Variants in PCDHGA4 observed in about 807,000 individuals in gnomAD.
PCDHGA4 encodes the protein protocadherin gamma-A4.
Under a neutral mutation model 54.6 loss-of-function variants are expected in PCDHGA4, and 38 were observed. The observed-to-expected ratio is 0.70, with a 90% CI of 0.54 to 0.91. PCDHGA4 has a LOEUF of 0.91. Ranked by LOEUF, PCDHGA4 falls within the 40% of genes least tolerant of loss-of-function variation. The probability of loss-of-function intolerance (pLI) is 0.00; values close to 1 mark genes in which losing one functional copy is unlikely to be tolerated. For synonymous variants in PCDHGA4, 511 were observed against 512.9 expected (o/e 1.00, Z 0.05); for missense variants, 1,298 against 1,220.9 (o/e 1.06, Z -0.94).
intron 1 of PCDHGA4, among the ~76,000 whole-genome samples, chr5:141,369,978 A>AT (rs1300549847): frequency 6.6e-6 from 1 of 152,234 alleles, no homozygotes; most frequent in Non-Finnish European, 1.5e-5. Flanking sequence ...AAGGTACTTG[A>AT]TTTGGATGGA....
intron 1 of PCDHGA4, chr5:141,478,871 T>C: frequency 2.4e-6 from 3 of 1,274,796 alleles, no homozygotes; most frequent in Non-Finnish European, 3.1e-6. Flanking sequence ...GCGATCAGAG[T>C]TTAGCTTGGT....
intron 1 of PCDHGA4, chr5:141,415,232 C>G (rs1329834276): frequency 3.1e-6 from 5 of 1,614,076 alleles, no homozygotes; most frequent in Non-Finnish European, 4.2e-6. Flanking sequence ...GAGTCTCCAG[C>G]TAACTCTGAA....
intron 1 of PCDHGA4, chr5:141,440,709 A>C (rs1351127132): frequency 1.3e-5 from 2 of 152,216 alleles, no homozygotes; most frequent in Non-Finnish European, 2.9e-5. Context: ...GTGGAAAGAC[A>C]TATGTTGATC....
chr5:141,449,160 T>G (rs6867451), intron 1 of PCDHGA4, among the ~76,000 whole-genome samples: 8,161 of 152,140 alleles, frequency 0.054, 458 homozygotes, highest in African/African-American at 0.15. Context: ...AAAGAGGAAA[T>G]AGGTGTAATT....
intron 1 of PCDHGA4, among the ~76,000 whole-genome samples, chr5:141,402,221 G>A (rs567791316): frequency 1.3e-5 from 2 of 151,942 alleles, no homozygotes; most frequent in Admixed American, 6.5e-5. Context: ...TAAAATAAAC[G>A]TTTTTCCAGG....
intron 1 of PCDHGA4, chr5:141,422,864 AC>A (rs2096680510): frequency 1.9e-6 from 3 of 1,614,190 alleles, no homozygotes; most frequent in Non-Finnish European, 2.5e-6. Flanking sequence ...CTCAGCAGCA[AC>A]GTGTCGCTGA....
At chr5:141,364,978 T>G (rs753013611) in intron 1 of PCDHGA4, 1 of 1,613,892 alleles carries the variant, frequency 6.2e-7, no homozygotes, top group Non-Finnish European at 8.5e-7. Flanking sequence ...CAGCTTTAGA[T>G]GGCGGAGACC....
At chr5:141,494,682 C>G (rs1282135022) in intron 1 of PCDHGA4, 125 bp from the exon 2 acceptor site, 16 of 1,564,362 alleles carry the variant, frequency 1.0e-5, no homozygotes, top group African/African-American at 1.4e-5. Context: ...ACCCCTGCCC[C>G]CTCTTAGTCC....
chr5:141,462,122 C>T (rs1437400069), intron 1 of PCDHGA4, among the ~76,000 whole-genome samples: 1 of 152,044 alleles, frequency 6.6e-6, no homozygotes, highest in South Asian at 2.1e-4. Context: ...TGCACCCAGT[C>T]CAATTTTTTG....
intron 1 of PCDHGA4, chr5:141,423,809 GT>G (rs1484832928): frequency 7.9e-7 from 1 of 1,259,912 alleles, no homozygotes; most frequent in African/African-American, 1.6e-5. Context: ...ATACATGTGA[GT>G]TTTACTTTGC....
chr5:141,397,809 A>G lies in PCDHGA4; in HGVS notation c.2514+40188A>G, dbSNP rs116170608. Among the ~76,000 whole-genome samples, 1,507 of 152,354 alleles carry G rather than the reference A, an allele frequency of 9.9e-3. 33 individuals carry two copies. Among genetic ancestry groups the G allele is most frequent in the African/African-American group, 0.034 (1,415 of 41,586 alleles). ...ACTTGGCTTGTTAAGTTAGGCACACAAAAACAATTACTGCACTGGTTAACT... is the reference window on the plus strand; with the variant it reads ...ACTTGGCTTGTTAAGTTAGGCACACGAAAACAATTACTGCACTGGTTAACT... On this transcript the variant is annotated intron_variant, in intron 1 of 3. Coordinates refer to ENST00000571252, the MANE Select transcript of PCDHGA4 (RefSeq NM_018917.4).
intron 1 of PCDHGA4, among the ~76,000 whole-genome samples, chr5:141,469,864 C>T (rs963843852): frequency 6.6e-6 from 1 of 152,218 alleles, no homozygotes; most frequent in African/African-American, 2.4e-5. Flanking sequence ...GGTGCAATGG[C>T]TCACGCCTGT....
At chr5:141,474,148 A>G (rs773360112) in intron 1 of PCDHGA4, among the ~76,000 whole-genome samples, 4 of 152,244 alleles carry the variant, frequency 2.6e-5, no homozygotes, top group Non-Finnish European at 5.9e-5. Context: ...CTTATTATCA[A>G]GAAAATGACA....
In PCDHGA4 at chr5:141,356,921, G is replaced by T. The variant is rs767463186; in HGVS notation, c.1814G>T (p.Gly605Val). The T allele has an allele frequency of 6.2e-7, 1 of 1,613,978 alleles. No individual in the cohort carries two copies. Among genetic ancestry groups the T allele is most frequent in the Non-Finnish European group, 8.5e-7 (1 of 1,179,848 alleles). ...ACCTTCCCTACTGATGGCTCCACTG[G>T]TGTGGAGCTGGCACCCCGCTCCGCA... Reference protein sequence around the residue: ...YPTFPTDGSTGVELAPRSADS... With the variant: ...YPTFPTDGSTVVELAPRSADS... Residue 605 changes from glycine (G) to valine (V), a missense_variant, in exon 1 of 4, where the codon GGT (glycine) becomes GTT (valine). Transcript: ENST00000571252.
rs370704204 is a variant in PCDHGA4, at chr5:141,389,625, G to A, written c.2514+32004G>A. On this transcript the variant is annotated intron_variant, in intron 1 of 3. Coordinates refer to ENST00000571252, the MANE Select transcript of PCDHGA4 (RefSeq NM_018917.4). The stretch of plus-strand genomic sequence containing the variant: ...CTTCGATATGGTGCCGCACGCTGCA[G>A]AGCCTGGCTACTTGGTGACCAAGGT... 6 of 1,613,020 alleles carry A rather than the reference G, an allele frequency of 3.7e-6. No individual in the cohort carries two copies. The Admixed American group carries it at 5.0e-5, about 13-fold the overall frequency.
At chr5:141,507,447 G>A (rs998019159) in intron 3 of PCDHGA4, among the ~76,000 whole-genome samples, 1 of 152,226 alleles carries the variant, frequency 6.6e-6, no homozygotes, top group Non-Finnish European at 1.5e-5. Flanking sequence ...GCTGACGGAA[G>A]GACAGAGAGA....
chr5:141,415,380 C>G (rs759710024), intron 1 of PCDHGA4: 1 of 1,614,250 alleles, frequency 6.2e-7, no homozygotes, highest in South Asian at 1.1e-5. Flanking sequence ...CAGGAGGCGG[C>G]TTGACAGGTG....
At chr5:141,395,253 T>G (rs765397414) in intron 1 of PCDHGA4, 1 of 1,557,696 alleles carries the variant, frequency 6.4e-7, no homozygotes, top group Admixed American at 2.0e-5. Flanking sequence ...TTTAGTTCTT[T>G]GCTTGCTTTT....
rs770630741 is a variant in PCDHGA4, at chr5:141,381,826, C to CTTTTTT, written c.2514+24222_2514+24227dup. Among the ~76,000 whole-genome samples, 197 of 74,234 alleles carry CTTTTTT rather than the reference C, an allele frequency of 2.7e-3. 2 individuals carry two copies. Among genetic ancestry groups the CTTTTTT allele is most frequent in the African/African-American group, 3.6e-3 (59 of 16,186 alleles). The allele number at this position is 74,234 out of a possible 152,430, so 48.7% of individuals were successfully genotyped here. A position where few individuals can be genotyped will look rare whatever the true frequency, so the allele number is the denominator to read the frequency against. On this transcript the variant is annotated intron_variant, in intron 1 of 3. Coordinates refer to ENST00000571252, the MANE Select transcript of PCDHGA4 (RefSeq NM_018917.4). ...TTTCTTTCTTTCTTTCTTTCTTCTT[C>CTTTTTT]TTTTTTTTTTTTTTTTTTTTTTGGC...
Sources: allele counts gnomAD v4.1 joint callset (sites outside exome capture counted in the v4.1 genomes callset), GRCh38; gene constraint gnomAD v4.1.1; transcripts MANE v1.5; gene names NCBI Gene and HGNC (gene_info 2026-07-23, HGNC 2026-07-21).